The following KCP variants were observed in gnomAD, a reference collection of about 807,000 sequenced individuals.
The protein encoded by KCP is kielin/chordin-like protein.
In KCP, 194 loss-of-function variants were observed where a neutral mutation model predicts 212.7. That is an observed-to-expected ratio of 0.91 (90% CI 0.81 to 1.03). The LOEUF (loss-of-function observed/expected upper bound fraction) is 1.03. Among genes scored for constraint, KCP ranks in the 50% least tolerant of loss-of-function variants. KCP has a pLI of 0.00. For synonymous variants in KCP, 833 were observed against 865.3 expected, an observed-to-expected ratio of 0.96 and a Z score of 0.65; for missense variants, 2,080 against 2,162.5, an observed-to-expected ratio of 0.96 and a Z score of 0.76.
Position 128,898,625 on chromosome 7 carries a change from G to A in KCP, c.831+4152C>T, listed in dbSNP as rs73461524. Reference sequence around the variant, plus strand: ...AAAAGCAGTTCTACATGCAAGGCATGTAAGAAAAGTAGAATGTGCTTTTGG... The same window carrying A: ...AAAAGCAGTTCTACATGCAAGGCATATAAGAAAAGTAGAATGTGCTTTTGG... On this transcript the variant is annotated intron_variant, in intron 8 of 39. Transcript: ENST00000610776. 2.9e-3 allele frequency among the ~76,000 whole-genome samples: 436 copies of A among 152,372 alleles called. 3 individuals carry two copies. Among genetic ancestry groups the A allele is most frequent in the African/African-American group, 0.01 (428 of 41,588 alleles).
intron 38 of KCP, among the ~76,000 whole-genome samples, chr7:128,878,309 C>T (rs1303443406): frequency 1.3e-5 from 2 of 152,120 alleles, no homozygotes; most frequent in African/African-American, 2.4e-5. Flanking sequence ...CCACCCACCT[C>T]GGCATCCCAA....
At chr7:128,903,025 C>T (rs1794942983) in intron 7 of KCP, 166 bp from the exon 8 acceptor site, 4 of 623,204 alleles carry the variant, frequency 6.4e-6, no homozygotes, top group Non-Finnish European at 1.1e-5. Flanking sequence ...TCCCAGTGCC[C>T]CAGGCAGGGT....
chr7:128,902,682 A>G lies in KCP; in HGVS notation c.831+95T>C. 3 of 1,190,532 alleles carry G rather than the reference A, an allele frequency of 2.5e-6. No homozygotes were observed. In the South Asian group the frequency reaches 4.0e-5, roughly 16 times the overall value. 73.7% of individuals were successfully genotyped at this position (1,190,532 alleles called of 1,614,324 possible). A position where few individuals can be genotyped will look rare whatever the true frequency, so the allele number is the denominator to read the frequency against. On this transcript the variant is annotated intron_variant, in intron 8 of 39. Transcript: ENST00000610776. ...GGTCTTCTCCACTGGGTCCCCTCTCAACACCTCTGCGAAGTACTCCATAGA... is the reference window on the plus strand; with the variant it reads ...GGTCTTCTCCACTGGGTCCCCTCTCGACACCTCTGCGAAGTACTCCATAGA...
In KCP at chr7:128,879,690, C is replaced by T. The variant is rs750921742; in HGVS notation, c.4044+28G>A. ...ACATGGGTGGACAGCACAGGATCCA[C>T]CTTCCTCCACTCCTCGGCTTTGCTC... On this transcript the variant is annotated intron_variant, in intron 36 of 39. Transcript: ENST00000610776. The T allele has an allele frequency of 4.5e-6, 7 of 1,549,626 alleles. No individual in the cohort carries two copies. The African/African-American group carries it at 6.8e-5, about 15-fold the overall frequency.
chr7:128,896,785 G>A (rs555458922), intron 8 of KCP, among the ~76,000 whole-genome samples: 1 of 151,764 alleles, frequency 6.6e-6, no homozygotes, highest in Non-Finnish European at 1.5e-5. Context: ...CAGCTACTTG[G>A]GAGGCTGAGG....
rs1794402980 is a variant in KCP at position 128,894,556 on chromosome 7, C to T, written c.832-263G>A. Among the ~76,000 whole-genome samples the T allele has an allele frequency of 2.0e-5, 3 of 149,736 alleles. No individual in the cohort carries two copies. In the Admixed American group the frequency reaches 2.0e-4, roughly 10 times the overall value. On this transcript the variant is annotated intron_variant, in intron 8 of 39. Transcript: ENST00000610776. ...GTCCCTAATTCAATATAACTAGTAT[C>T]TTTTTTTTTTGAGATGATAAAAAAG...
intron 8 of KCP, 120 bp downstream of exon 8, chr7:128,902,657 G>A (rs1794917599): frequency 1.1e-6 from 1 of 898,140 alleles, no homozygotes; most frequent in South Asian, 1.5e-5. Flanking sequence ...ACAGCGCCTA[G>A]GTCTTCTCCA....
Position 128,877,159 on chromosome 7 carries a change from C to A in KCP, c.4771G>T (p.Val1591Leu), listed in dbSNP as rs1323261124. The A allele has an allele frequency of 1.3e-6, 2 of 1,498,672 alleles. No individual in the cohort carries two copies. The highest frequency in any genetic ancestry group is 2.8e-5 in the African/African-American group (2 of 70,506). The allele number at this position is 1,498,672 out of a possible 1,614,324, so 92.8% of individuals were successfully genotyped here. The change falls in exon 40 of 40, where the codon GTG (valine) becomes TTG (leucine). Residue 1591 changes from valine to leucine, a missense_variant. Physicochemically the swap from Val to Leu is conservative, Grantham distance 32 (BLOSUM62 1). Coordinates refer to ENST00000610776, the MANE Select transcript of KCP (RefSeq NM_001366122.1). ...VPGCQCPAGL[V>L]EHEAHCIPPE... ...GGGATGCAGTGGGCCTCATGCTCCA[C>A]CAGGCCTGCAGGGCACTGGCAGCCG...
intron 5 of KCP, chr7:128,904,442 C>T (rs1022461222): frequency 9.0e-6 from 11 of 1,222,376 alleles, no homozygotes; most frequent in Middle Eastern, 1.9e-4. Flanking sequence ...TTCTCTCTCT[C>T]CTGCTCTCCC....
At position 128,878,691 on chromosome 7, in the gene KCP, A is replaced by C; in HGVS notation, c.4178T>G (p.Val1393Gly). ...GCCCTGGTAGGAGCCAGGTACGCTC[A>C]CCTCCACCTGGGACTGCCCATCCCA... Reference protein sequence around the residue: ...VLWDGQSQVEVSVPGSYQGRT... With the variant: ...VLWDGQSQVEGSVPGSYQGRT... Residue 1393 changes from valine to glycine, a missense_variant, in exon 38 of 40, where the codon GTG (valine) becomes GGG (glycine). Coordinates refer to ENST00000610776, the MANE Select transcript of KCP (RefSeq NM_001366122.1). The C allele has an allele frequency of 1.3e-6, 2 of 1,550,584 alleles. No homozygotes were observed. Among genetic ancestry groups the C allele is most frequent in the Non-Finnish European group, 1.7e-6 (2 of 1,146,928 alleles).
chr7:128,904,000 C>T, intron 6 of KCP, 56 bp downstream of exon 6: 1 of 1,489,940 alleles, frequency 6.7e-7, no homozygotes, highest in Non-Finnish European at 9.2e-7. Flanking sequence ...GGGCCCAGGG[C>T]AGGGCAGGTG....
chr7:128,886,022 T>A (rs1353173254), intron 26 of KCP, among the ~76,000 whole-genome samples: 1 of 149,996 alleles, frequency 6.7e-6, no homozygotes, highest in East Asian at 1.9e-4. Context: ...ATGATGGTGG[T>A]GATGATGATG....
chr7:128,910,559 G>T (rs1285946555), intron 1 of KCP, 42 bp downstream of exon 1: 12 of 1,487,170 alleles, frequency 8.1e-6, no homozygotes, highest in Non-Finnish European at 1.1e-5. Context: ...GAGGGAGGGG[G>T]CGCACCTGGC....
In KCP at chr7:128,886,740, G is replaced by A. The variant is rs775612718; in HGVS notation, c.2690-3C>T. 6 of 1,551,366 alleles carry A rather than the reference G, an allele frequency of 3.9e-6. No homozygotes were observed. The South Asian group carries it at 4.8e-5, about 12-fold the overall frequency. Reference sequence around the variant, plus strand: ...CTCCCGGCCCTGAGAGAGACAGCCTGTGGGGGACACACCTCCTGGGTGGGG... The same window carrying A: ...CTCCCGGCCCTGAGAGAGACAGCCTATGGGGGACACACCTCCTGGGTGGGG... On this transcript the variant is annotated splice_polypyrimidine_tract_variant and splice_region_variant and intron_variant, in intron 24 of 39. Transcript: ENST00000610776.
chr7:128,891,073 G>T lies in KCP; in HGVS notation c.1996C>A (p.Pro666Thr). 1 of 1,414,662 alleles carries T rather than the reference G, an allele frequency of 7.1e-7. No homozygotes were observed. The highest frequency in any genetic ancestry group is 9.2e-7 in the Non-Finnish European group (1 of 1,091,640). 87.6% of individuals were successfully genotyped at this position (1,414,662 alleles called of 1,614,324 possible). A position where few individuals can be genotyped will look rare whatever the true frequency, so the allele number is the denominator to read the frequency against. The part of the protein sequence containing the change: ...CPAAPAPAGC[P>T]RPGAAHARHQ... ...CGGGCGTGGGCCGCGCCGGGCCGTG[G>T]GCAGCCGGCGGGGGCTGGGGCGGCT... Residue 666 changes from proline to threonine, a missense_variant, in exon 20 of 40, where the codon CCA becomes ACA. Transcript: ENST00000610776.
At chr7:128,888,051 AC>A (rs1020164162) in intron 22 of KCP, among the ~76,000 whole-genome samples, 2 of 143,182 alleles carry the variant, frequency 1.4e-5, no homozygotes, top group African/African-American at 5.1e-5. Context: ...ACACACACAC[AC>A]ATCCCACATA....
rs778564995 is a variant in KCP at position 128,902,847 on chromosome 7, C to T, written c.761G>A (p.Gly254Asp). ...TTGGCCATGTTCCCAGTGAGAGCCA[C>T]CTTCTGTGCAGCCTAGGGTTGAGGG... ...CCPTCQGCTE[G>D]GSHWEHGQEW... The change falls in exon 8 of 40, where the codon GGT becomes GAT. Residue 254 changes from glycine to aspartate, a missense_variant. Physicochemically the swap from Gly to Asp is moderately conservative, Grantham distance 94. Coordinates refer to ENST00000610776, the MANE Select transcript of KCP (RefSeq NM_001366122.1). 23 of 1,551,302 alleles carry T rather than the reference C, an allele frequency of 1.5e-5. No homozygotes were observed. Among genetic ancestry groups the T allele is most frequent in the Non-Finnish European group, 1.8e-5 (21 of 1,146,988 alleles).
At chr7:128,878,530 C>A in intron 38 of KCP, 28 bp downstream of exon 38, 1 of 1,544,538 alleles carries the variant, frequency 6.5e-7, no homozygotes, top group Non-Finnish European at 8.8e-7. Flanking sequence ...CTCCCCTAAT[C>A]CCCATCCCCG....
chr7:128,895,536 C>A (rs971424563), intron 8 of KCP, among the ~76,000 whole-genome samples: 1 of 152,182 alleles, frequency 6.6e-6, no homozygotes, highest in East Asian at 1.9e-4. Flanking sequence ...GCGTTTGAAC[C>A]AAAGCAACTC....
Sources: allele counts gnomAD v4.1 joint callset (sites outside exome capture counted in the v4.1 genomes callset), GRCh38; gene constraint gnomAD v4.1.1; transcripts MANE v1.5; gene names NCBI Gene and HGNC (gene_info 2026-07-23, HGNC 2026-07-21).